Variants in ITM2C observed in about 807,000 individuals in gnomAD.
ITM2C encodes the protein integral membrane protein 2C.
Under a neutral mutation model 30.0 loss-of-function variants are expected in ITM2C, and 20 were observed. That is an observed-to-expected ratio of 0.67 (90% CI 0.47 to 0.97). ITM2C has a LOEUF of 0.97. Among genes scored for constraint, ITM2C ranks in the 50% least tolerant of loss-of-function variants. The pLI is 0.00. For synonymous variants in ITM2C, 167 were observed against 156.4 expected, an observed-to-expected ratio of 1.07 and a Z score of -0.51; for missense variants, 366 against 371.9, an observed-to-expected ratio of 0.98 and a Z score of 0.13.
rs192525276 is a variant in ITM2C at position 230,869,601 on chromosome 2, G to T, written c.121-3816G>T. On this transcript the variant is annotated intron_variant, in intron 1 of 5. Transcript: ENST00000326427. ...CCTGGGCCTCAGGAGTGCGTTTCTG[G>T]CTGCCGAACCCCTCCAGGCAGGCTG... 1.5e-4 allele frequency among the ~76,000 whole-genome samples: 23 copies of T among 152,304 alleles called. No homozygotes were observed. The East Asian group carries it at 4.2e-3, about 28-fold the overall frequency.
intron 1 of ITM2C, among the ~76,000 whole-genome samples, chr2:230,871,829 A>G (rs1697173127): frequency 1.3e-5 from 2 of 152,206 alleles, no homozygotes; most frequent in South Asian, 4.1e-4. Context: ...CCTTTTCCTA[A>G]GCAGGGCGGG....
rs553552483 is a variant in ITM2C at position 230,865,322 on chromosome 2, C to T, written c.120+177C>T. ...CAGAATGAGGAGGGGGCTTAAGTCC[C>T]GTACTAAAGCGGCAGCCAAAAGCTG... On this transcript the variant is annotated intron_variant, in intron 1 of 5. Coordinates refer to ENST00000326427, the MANE Select transcript of ITM2C (RefSeq NM_030926.6). This position sits in a 1 kb window ranked among gnomAD's most constrained non-coding sequence, Gnocchi z 6.8. The T allele has an allele frequency of 3.3e-6, 2 of 610,876 alleles. No homozygotes were observed. The highest frequency in any genetic ancestry group is 4.8e-6 in the Non-Finnish European group (2 of 419,468). The allele number at this position is 610,876 out of a possible 1,614,324, so 37.8% of individuals were successfully genotyped here. A position where few individuals can be genotyped will look rare whatever the true frequency, so the allele number is the denominator to read the frequency against.
In ITM2C at chr2:230,875,740, C is replaced by T. The variant is rs542242007; in HGVS notation, c.382C>T (p.Arg128Cys). ...VKIYLDENYE[R>C]INVPVPQFGG... ...AATCTACCTCGACGAGAACTACGAG[C>T]GCATCAACGTGCCTGTGCCCCAGTT... The change falls in exon 3 of 6, where the codon CGC becomes TGC. Residue 128 changes from arginine to cysteine, a missense_variant. By Grantham distance (180) the Arg-to-Cys change is radical (BLOSUM62 -3). Transcript: ENST00000326427. The T allele has an allele frequency of 1.4e-5, 23 of 1,613,094 alleles. No individual in the cohort carries two copies. Among genetic ancestry groups the T allele is most frequent in the East Asian group, 4.5e-5 (2 of 44,818 alleles).
Position 230,878,067 on chromosome 2 carries a change from G to A in ITM2C, c.772G>A (p.Val258Met), listed in dbSNP as rs775705201. The A allele has an allele frequency of 9.4e-6, 15 of 1,604,230 alleles. No individual in the cohort carries two copies. The highest frequency in any genetic ancestry group is 4.5e-5 in the East Asian group (2 of 44,612). The part of the protein sequence containing the change: ...NAIRHFENTF[V>M]VETLICGVV ...CATCCGCCACTTCGAGAACACCTTC[G>A]TGGTGGAGACGCTCATCTGCGGGGT... is the stretch of plus-strand genomic sequence containing the variant. Residue 258 changes from valine to methionine, a missense_variant, in exon 6 of 6, where the codon GTG becomes ATG. Physicochemically the swap from Val to Met is conservative, Grantham distance 21. Coordinates refer to ENST00000326427, the MANE Select transcript of ITM2C (RefSeq NM_030926.6). The surrounding 1 kb of genome is among the most constrained non-coding windows in gnomAD (Gnocchi z 4.5).
chr2:230,875,839 G>GT, intron 3 of ITM2C, 31 bp downstream of exon 3: 5 of 326,318 alleles, frequency 1.5e-5, no homozygotes, highest in South Asian at 2.7e-5. Context: ...GGGGTGGGGG[G>GT]TGGGAGGGTG....
chr2:230,875,956 C>A, intron 3 of ITM2C, 148 bp downstream of exon 3: 2 of 661,128 alleles, frequency 3.0e-6, no homozygotes, highest in Non-Finnish European at 2.5e-6. Context: ...TGCTTTTCTC[C>A]TGTTAGCAAC....
chr2:230,870,599 A>T (rs1019084233), intron 1 of ITM2C, among the ~76,000 whole-genome samples: 5 of 152,002 alleles, frequency 3.3e-5, no homozygotes, highest in African/African-American at 9.7e-5. Context: ...TCTCTGCCAC[A>T]CCTGCCACTG....
chr2:230,877,496 C>A lies in ITM2C; in HGVS notation c.658C>A (p.His220Asn). 1 of 1,614,072 alleles carries A rather than the reference C, an allele frequency of 6.2e-7. No individual in the cohort carries two copies. Among genetic ancestry groups the A allele is most frequent in the East Asian group, 2.2e-5 (1 of 44,892 alleles). Residue 220 changes from histidine to asparagine, a missense_variant, in exon 5 of 6, where the codon CAC becomes AAC. Physicochemically the swap from His to Asn is moderately conservative, Grantham distance 68. Coordinates refer to ENST00000326427, the MANE Select transcript of ITM2C (RefSeq NM_030926.6). The surrounding 1 kb of genome is among the most constrained non-coding windows in gnomAD (Gnocchi z 4.8). ...DKEALGSFIY[H>N]LCNGKDTYRL... is the part of the protein sequence containing the mutation. ...GGAGGCCCTGGGGTCCTTCATCTAC[C>A]ACCTGTGCAACGGGAAAGACACCTA...
At chr2:230,870,396 C>T (rs903702591) in intron 1 of ITM2C, among the ~76,000 whole-genome samples, 2 of 152,254 alleles carry the variant, frequency 1.3e-5, no homozygotes, top group African/African-American at 4.8e-5. Flanking sequence ...TGCACTTCTG[C>T]TCATAATGGT....
chr2:230,866,618 C>T (rs1697034963), intron 1 of ITM2C, among the ~76,000 whole-genome samples: 1 of 152,196 alleles, frequency 6.6e-6, no homozygotes, highest in Non-Finnish European at 1.5e-5. Flanking sequence ...TCATCTGAAG[C>T]TTAGGTGGAG....
chr2:230,864,737 T>G, upstream of ITM2C: 1 of 182,926 alleles, frequency 5.5e-6, no homozygotes. This position sits in a 1 kb window ranked among gnomAD's most constrained non-coding sequence, Gnocchi z 4.3. Flanking sequence ...AGCGAGCGAG[T>G]GAGTGACTGT....
At chr2:230,864,788 C>G, upstream of ITM2C, 1 of 253,002 alleles carries the variant, frequency 4.0e-6, no homozygotes, top group Non-Finnish European at 7.2e-6. The surrounding 1 kb of genome is among the most constrained non-coding windows in gnomAD (Gnocchi z 4.3). Flanking sequence ...GCCCCAGGTG[C>G]GGAGCGGCGC....
At chr2:230,868,054 C>A (rs1007973621) in intron 1 of ITM2C, among the ~76,000 whole-genome samples, 1 of 151,868 alleles carries the variant, frequency 6.6e-6, no homozygotes, top group African/African-American at 2.4e-5. Context: ...CAGTTCTTGA[C>A]CTGTGTCCAG....
chr2:230,870,152 G>T (rs967809364), intron 1 of ITM2C, among the ~76,000 whole-genome samples: 2 of 152,254 alleles, frequency 1.3e-5, no homozygotes, highest in African/African-American at 4.8e-5. Context: ...CCCCAGACAG[G>T]TGTAAATACC....
intron 1 of ITM2C, among the ~76,000 whole-genome samples, chr2:230,869,444 G>GAC (rs1366683866): frequency 2.0e-5 from 3 of 152,110 alleles, no homozygotes; most frequent in Non-Finnish European, 2.9e-5. Context: ...ACACATACAA[G>GAC]ACACACACAC....
In ITM2C at chr2:230,873,503, C is replaced by T; in HGVS notation, c.207C>T (p.Leu69=). 1.9e-6 allele frequency: 3 copies of T among 1,611,350 alleles called. No homozygotes were observed. Among genetic ancestry groups the T allele is most frequent in the South Asian group, 2.2e-5 (2 of 90,370 alleles). The part of the protein sequence containing the change: ...CYLSMGMVVL[L]MGLVFASVYI... ...TGTCGATGGGCATGGTCGTGCTGCTCATGGGCCTCGTGTTCGCCTCTGTCT... is the reference window on the plus strand; with the variant it reads ...TGTCGATGGGCATGGTCGTGCTGCTTATGGGCCTCGTGTTCGCCTCTGTCT... The change falls in exon 2 of 6, where the codon CTC becomes CTT. Residue 69 remains leucine (L), a synonymous_variant. Transcript: ENST00000326427.
Position 230,876,887 on chromosome 2 carries a change from G to T in ITM2C, c.481G>T (p.Asp161Tyr), listed in dbSNP as rs1385549662. 1.9e-6 allele frequency: 3 copies of T among 1,613,974 alleles called. No homozygotes were observed. Among genetic ancestry groups the T allele is most frequent in the Middle Eastern group, 1.6e-4 (1 of 6,062 alleles). ...GACTGCGTACCATGATATCTCCCTG[G>T]ACAAGTGCTATGTCATCGAACTCAA... ...GLTAYHDISL[D>Y]KCYVIELNTT... The change falls in exon 4 of 6, where the codon GAC becomes TAC. Residue 161 changes from aspartate (D) to tyrosine (Y), a missense_variant. Coordinates refer to ENST00000326427, the MANE Select transcript of ITM2C (RefSeq NM_030926.6).
chr2:230,875,150 C>T (rs577441648), intron 2 of ITM2C, among the ~76,000 whole-genome samples: 1 of 152,182 alleles, frequency 6.6e-6, no homozygotes, highest in African/African-American at 2.4e-5. Flanking sequence ...TCGTCCTTGA[C>T]CCCCTGCCAA....
At chr2:230,874,627 C>T (rs1413140433) in intron 2 of ITM2C, among the ~76,000 whole-genome samples, 1 of 152,230 alleles carries the variant, frequency 6.6e-6, no homozygotes, top group African/African-American at 2.4e-5. Context: ...GCCCCGGAGC[C>T]TCACCTTCCC....
Sources: gnomAD v4.1 joint callset for allele counts (sites outside exome capture counted in the v4.1 genomes callset) on GRCh38, gnomAD v4.1.1 for gene constraint, Gnocchi (gnomAD v3.1) non-coding constraint, MANE v1.5 for transcripts, NCBI Gene and HGNC (gene_info 2026-07-23, HGNC 2026-07-21) for gene names.